SIPA1L2: variants seen among roughly 807,000 people sequenced by gnomAD.
The protein encoded by SIPA1L2 is signal induced proliferation associated 1 like 2.
SIPA1L2 carries 56 observed loss-of-function variants against 163.9 expected under a neutral mutation model. That is an observed-to-expected ratio of 0.34 (90% CI 0.28 to 0.43). The LOEUF (loss-of-function observed/expected upper bound fraction) is 0.43, where lower values mean the gene tolerates loss of function less well. Among genes scored for constraint, SIPA1L2 ranks in the 20% least tolerant of loss-of-function variants. The pLI is 1.00. For synonymous variants in SIPA1L2, 877 were observed against 865.7 expected (o/e 1.01, Z -0.23); for missense variants, 1,974 against 2,193.5 (o/e 0.90, Z 2.00).
At chr1:232,610,537 G>C (rs567437947) in intron 1 of SIPA1L2, among the ~76,000 whole-genome samples, 1 of 152,356 alleles carries the variant, frequency 6.6e-6, no homozygotes, top group South Asian at 2.1e-4. Context: ...AAAATTCTAA[G>C]AGATCTTGAT....
intron 7 of SIPA1L2, among the ~76,000 whole-genome samples, chr1:232,475,975 C>T (rs572573486): frequency 6.6e-6 from 1 of 152,236 alleles, no homozygotes; most frequent in East Asian, 1.9e-4. Context: ...GGGAATAAAG[C>T]TACTCATGGA....
At chr1:232,454,358 T>C (rs1300390925) in intron 10 of SIPA1L2, among the ~76,000 whole-genome samples, 1 of 152,188 alleles carries the variant, frequency 6.6e-6, no homozygotes. Context: ...CTTCCTTCCA[T>C]CCTTTTCCTC....
At chr1:232,425,252 G>C (rs1460405977) in intron 18 of SIPA1L2, among the ~76,000 whole-genome samples, 1 of 147,044 alleles carries the variant, frequency 6.8e-6, no homozygotes, top group Non-Finnish European at 1.5e-5. Context: ...CCTTACATCA[G>C]TCTTTTCTTT....
At chr1:232,402,813 T>C (rs948707468) in intron 21 of SIPA1L2, 1 of 190,318 alleles carries the variant, frequency 5.3e-6, no homozygotes, top group Non-Finnish European at 1.1e-5. Flanking sequence ...TTCCCTATGA[T>C]AACAATATTA....
Position 232,515,586 on chromosome 1 carries a change from C to A in SIPA1L2, c.-247G>T. The A allele has an allele frequency of 2.3e-6, 1 of 434,852 alleles. No individual in the cohort carries two copies. Among genetic ancestry groups the A allele is most frequent in the Non-Finnish European group, 4.0e-6 (1 of 247,700 alleles). 26.9% of individuals were successfully genotyped at this position (434,852 alleles called of 1,614,324 possible). ...CAAAAGCATTCCTTAAGACATCTGG[C>A]TGGTCATGAGTATTTCCTTCACCTG... On this transcript the variant is annotated 5_prime_UTR_variant, in exon 3 of 23. Coordinates refer to ENST00000674635, the MANE Select transcript of SIPA1L2 (RefSeq NM_020808.5).
chr1:232,434,090 A>G (rs1466070661), intron 15 of SIPA1L2, among the ~76,000 whole-genome samples: 1 of 152,228 alleles, frequency 6.6e-6, no homozygotes, highest in Non-Finnish European at 1.5e-5. Context: ...AGTCCTTTCT[A>G]TTGAAAGAGT....
chr1:232,491,466 A>G (rs1665926446), intron 4 of SIPA1L2, among the ~76,000 whole-genome samples: 1 of 152,026 alleles, frequency 6.6e-6, no homozygotes, highest in African/African-American at 2.4e-5. Context: ...CCATCTCTCC[A>G]TCTTCTTTTC....
intron 5 of SIPA1L2, 146 bp from the exon 6 acceptor site, chr1:232,484,112 A>C (rs1572966812): frequency 1.5e-6 from 1 of 681,812 alleles, no homozygotes. Flanking sequence ...AGAGTAGGCA[A>C]CTGCCACTGT....
At chr1:232,545,711 C>G (rs1164902739) in intron 2 of SIPA1L2, among the ~76,000 whole-genome samples, 2 of 152,140 alleles carry the variant, frequency 1.3e-5, no homozygotes, top group African/African-American at 4.8e-5. Flanking sequence ...ACACAGCCTT[C>G]TAGTTTTCTA....
At chr1:232,468,421 G>A (rs1001565992) in intron 8 of SIPA1L2, among the ~76,000 whole-genome samples, 1 of 152,166 alleles carries the variant, frequency 6.6e-6, no homozygotes, top group Non-Finnish European at 1.5e-5. Flanking sequence ...GGTAACTCCC[G>A]GAGTCAGGGA....
Position 232,629,901 on chromosome 1 carries a change from G to A in SIPA1L2, c.-351C>T, listed in dbSNP as rs1033323537. Among the ~76,000 whole-genome samples, 1 of 151,512 alleles carries A rather than the reference G, an allele frequency of 6.6e-6. No individual in the cohort carries two copies. The highest frequency in any genetic ancestry group is 1.5e-5 in the Non-Finnish European group (1 of 67,722). Reference sequence around the variant, plus strand: ...ACGCCGTCCGCCGGAACCTGCTACAGCCTGTGCGCGCCGGGCGGCGCGTAC... The same window carrying A: ...ACGCCGTCCGCCGGAACCTGCTACAACCTGTGCGCGCCGGGCGGCGCGTAC... On this transcript the variant is annotated 5_prime_UTR_variant, in exon 1 of 23. Transcript: ENST00000674635.
chr1:232,399,156 A>C lies in SIPA1L2; in HGVS notation c.5140T>G (p.Phe1714Val). The change falls in exon 23 of 23, where the codon TTT becomes GTT. Residue 1714 changes from phenylalanine (F) to valine (V), a missense_variant. Physicochemically the swap from Phe to Val is conservative, Grantham distance 50. This residue lies in a region of SIPA1L2 where 1,079 missense variants were observed against 1,150.7 expected (regional missense o/e 0.94). Transcript: ENST00000674635. ...GATTTTTTGTCGATGGTGGTGAAAAACCATTCTGTGAATTTCCGCAGCTGA... is the reference window on the plus strand; with the variant it reads ...GATTTTTTGTCGATGGTGGTGAAAACCCATTCTGTGAATTTCCGCAGCTGA... ...TAQLRKFTEWFFTTIDKKS is the reference protein window; with the variant it reads ...TAQLRKFTEWVFTTIDKKS 2 of 1,613,790 alleles carry C rather than the reference A, an allele frequency of 1.2e-6. No individual in the cohort carries two copies. The highest frequency in any genetic ancestry group is 1.7e-6 in the Non-Finnish European group (2 of 1,179,978).
intron 19 of SIPA1L2, among the ~76,000 whole-genome samples, chr1:232,409,692 C>CACAG (rs1572854320): frequency 2.6e-5 from 4 of 152,146 alleles, no homozygotes. Context: ...CCATTCCAGA[C>CACAG]ACAGACAGGT....
Position 232,432,400 on chromosome 1 carries a change from A to C in SIPA1L2, c.4103T>G (p.Val1368Gly), listed in dbSNP as rs201254048. The change falls in exon 16 of 23, where the codon GTC (valine) becomes GGC (glycine). Residue 1368 changes from valine (V) to glycine (G), a missense_variant. Around this residue, in one of 3 missense-constraint regions of SIPA1L2, gnomAD observed 1,079 missense variants for 1,150.7 expected, o/e 0.94. Transcript: ENST00000674635. ...KSSGSLDSSK[V>G]YIVSHSSGQQ... ...TCCGCTGCTGTGAGACACGATGTAG[A>C]CTTTGGATGAATCCAGAGACCCACT... The C allele has an allele frequency of 7.5e-4, 1,207 of 1,614,114 alleles. 2 individuals carry two copies. The highest frequency in any genetic ancestry group is 9.7e-4 in the Non-Finnish European group (1,144 of 1,180,052).
chr1:232,623,570 T>G (rs1254050291), intron 1 of SIPA1L2, among the ~76,000 whole-genome samples: 1 of 152,134 alleles, frequency 6.6e-6, no homozygotes, highest in Non-Finnish European at 1.5e-5. Context: ...ATCGCACCAC[T>G]GCACTCCAGC....
At chr1:232,482,244 A>G (rs1220485800) in intron 6 of SIPA1L2, among the ~76,000 whole-genome samples, 1 of 152,230 alleles carries the variant, frequency 6.6e-6, no homozygotes, top group Non-Finnish European at 1.5e-5. Context: ...TACTTGGATT[A>G]TCTACGTTGT....
chr1:232,462,286 G>A, intron 9 of SIPA1L2: 2 of 1,550,158 alleles, frequency 1.3e-6, no homozygotes, highest in East Asian at 2.4e-5. Context: ...ATTTCAAGTT[G>A]GGAGGTATCA....
At position 232,483,984 on chromosome 1, in the gene SIPA1L2, T is replaced by C. The variant is rs1464593081; in HGVS notation, c.1807-18A>G. On this transcript the variant is annotated intron_variant, in intron 5 of 22. Coordinates refer to ENST00000674635, the MANE Select transcript of SIPA1L2 (RefSeq NM_020808.5). ...AAGCTCAGCTGAAATGGGGGAGAAA[T>C]ATAATTACTTGGCAAAGCATATCAG... 3 of 1,597,044 alleles carry C rather than the reference T, an allele frequency of 1.9e-6. No individual in the cohort carries two copies. The highest frequency in any genetic ancestry group is 2.2e-5 in the East Asian group (1 of 44,728).
chr1:232,609,829 C>CAAAAAAAAAAAAAAAAAAAAAA (rs71173228), intron 1 of SIPA1L2, among the ~76,000 whole-genome samples: 1 of 102,338 alleles, frequency 9.8e-6, no homozygotes, highest in Non-Finnish European at 2.0e-5. Context: ...GACTCCATCT[C>CAAAAAAAAAAAAAAAAAAAAAA]AAAAAAAAAA....
Sources: allele counts gnomAD v4.1 joint callset (sites outside exome capture counted in the v4.1 genomes callset), GRCh38; gene constraint gnomAD v4.1.1; regional missense constraint gnomAD v4.1.1; transcripts MANE v1.5; gene names NCBI Gene and HGNC (gene_info 2026-07-23, HGNC 2026-07-21).